Variants in CDH13 observed in about 807,000 individuals in gnomAD.
CDH13 encodes the protein cadherin 13, also known as cadherin-13.
CDH13 carries 24 observed loss-of-function variants against 63.8 expected under a neutral mutation model. That is an observed-to-expected ratio of 0.38 (90% CI 0.27 to 0.53). The LOEUF is 0.53. Among genes scored for constraint, CDH13 ranks in the 20% least tolerant of loss-of-function variants. The probability of loss-of-function intolerance (pLI) is 0.85; values close to 1 mark genes in which losing one functional copy is unlikely to be tolerated. For missense variants in CDH13, 1,049 were observed against 903.1 expected, an observed-to-expected ratio of 1.16 and a Z score of -2.07; for synonymous variants, 503 against 355.3, an observed-to-expected ratio of 1.42 and a Z score of -4.67.
rs1468963438 is a variant in CDH13, at chr16:82,857,546, G to A, written c.46-816G>A. On this transcript the variant is annotated intron_variant, in intron 1 of 13. Coordinates refer to ENST00000567109, the MANE Select transcript of CDH13 (RefSeq NM_001257.5). ...GAATCGTATACATCTCATACATTATGTTCCAAATCACGTAACCTAAATTTT... is the reference window on the plus strand; with the variant it reads ...GAATCGTATACATCTCATACATTATATTCCAAATCACGTAACCTAAATTTT... Among the ~76,000 whole-genome samples, 3 of 152,126 alleles carry A rather than the reference G, an allele frequency of 2.0e-5. No individual in the cohort carries two copies. The East Asian group carries it at 5.8e-4, about 29-fold the overall frequency.
intron 1 of CDH13, among the ~76,000 whole-genome samples, chr16:82,791,544 G>A (rs1477027348): frequency 1.3e-5 from 2 of 152,148 alleles, no homozygotes; most frequent in East Asian, 3.9e-4. Context: ...TCTTGCAAGT[G>A]AACACTCTTC....
intron 1 of CDH13, among the ~76,000 whole-genome samples, chr16:82,791,866 C>T (rs1366368637): frequency 6.6e-6 from 1 of 152,180 alleles, no homozygotes; most frequent in African/African-American, 2.4e-5. Context: ...AGGTTCCATT[C>T]CCTGGAATTC....
At chr16:83,334,153 C>A (rs1388184676) in intron 5 of CDH13, among the ~76,000 whole-genome samples, 3 of 152,114 alleles carry the variant, frequency 2.0e-5, no homozygotes, top group Non-Finnish European at 4.4e-5. Context: ...CATATCCCAT[C>A]ACTCTGACCT....
intron 1 of CDH13, among the ~76,000 whole-genome samples, chr16:82,807,823 T>C (rs912619339): frequency 3.3e-5 from 5 of 152,312 alleles, no homozygotes; most frequent in African/African-American, 1.2e-4. Context: ...TCCATAAAAA[T>C]AATTACTGGG....
chr16:83,704,680 T>C (rs1220315262), intron 10 of CDH13, among the ~76,000 whole-genome samples: 1 of 152,214 alleles, frequency 6.6e-6, no homozygotes, highest in African/African-American at 2.4e-5. Flanking sequence ...TAGAATTGAA[T>C]TTAAGCTCTG....
chr16:83,140,119 G>A (rs1190465266), intron 4 of CDH13, among the ~76,000 whole-genome samples: 4 of 152,202 alleles, frequency 2.6e-5, no homozygotes, highest in Non-Finnish European at 5.9e-5. Flanking sequence ...GCATCAGGCT[G>A]TACCACCAGA....
At chr16:83,180,980 A>T in intron 4 of CDH13, 1 of 1,531,570 alleles carries the variant, frequency 6.5e-7, no homozygotes, top group Non-Finnish European at 8.7e-7. Flanking sequence ...ATTTGGCGAC[A>T]TTATTGCTTT....
chr16:83,659,803 T>C (rs1598428310), intron 8 of CDH13, among the ~76,000 whole-genome samples: 1 of 150,342 alleles, frequency 6.7e-6, no homozygotes, highest in African/African-American at 2.5e-5. Context: ...TTTTTTTTTT[T>C]TGAGATGGAG....
rs139425120 is a variant in CDH13 at position 83,088,239 on chromosome 16, T to G, written c.367-37146T>G. Among the ~76,000 whole-genome samples the G allele has an allele frequency of 2.6e-5, 4 of 152,314 alleles. No individual in the cohort carries two copies. In the East Asian group the frequency reaches 7.7e-4, roughly 29 times the overall value. On this transcript the variant is annotated intron_variant, in intron 3 of 13. Transcript: ENST00000567109. Reference sequence around the variant, plus strand: ...GATTCAACTCTGACATGTTATTTCCTTATGCTGAGGGTGTCTTGTTGAGTT... The same window carrying G: ...GATTCAACTCTGACATGTTATTTCCGTATGCTGAGGGTGTCTTGTTGAGTT...
intron 3 of CDH13, among the ~76,000 whole-genome samples, chr16:83,057,940 G>T (rs1393334528): frequency 6.6e-6 from 1 of 152,034 alleles, no homozygotes; most frequent in East Asian, 1.9e-4. Context: ...TTAAAATGGG[G>T]TCGGGGAAAT....
At chr16:83,521,352 A>G (rs552901700) in intron 7 of CDH13, among the ~76,000 whole-genome samples, 1 of 152,312 alleles carries the variant, frequency 6.6e-6, no homozygotes, top group East Asian at 1.9e-4. Flanking sequence ...TAGGAAAAAA[A>G]AAAAGAATGG....
rs74643530 is a variant in CDH13 at position 83,411,354 on chromosome 16, T to C, written c.781+66348T>C. Among the ~76,000 whole-genome samples, 1,206 of 152,286 alleles carry C rather than the reference T, an allele frequency of 7.9e-3. 17 individuals are homozygous for C. The highest frequency in any genetic ancestry group is 0.028 in the African/African-American group (1,146 of 41,552). On this transcript the variant is annotated intron_variant, in intron 6 of 13. Coordinates refer to ENST00000567109, the MANE Select transcript of CDH13 (RefSeq NM_001257.5). ...CCACTTTTCTTTCTTTTGAAGCATT[T>C]ACCATCATCCACAAGCATCCAATGT...
chr16:83,433,291 A>G (rs973879802), intron 6 of CDH13, among the ~76,000 whole-genome samples: 1 of 152,212 alleles, frequency 6.6e-6, no homozygotes, highest in Non-Finnish European at 1.5e-5. Context: ...AGTTTCCTCA[A>G]CTGTAAAATG....
intron 10 of CDH13, among the ~76,000 whole-genome samples, chr16:83,685,413 CA>C (rs1904296794): frequency 1.3e-5 from 2 of 152,024 alleles, no homozygotes; most frequent in Non-Finnish European, 2.9e-5. Context: ...TTTGCATAAT[CA>C]AAATAATAGA....
At chr16:83,285,057 T>C (rs910191595) in intron 5 of CDH13, among the ~76,000 whole-genome samples, 6 of 152,160 alleles carry the variant, frequency 3.9e-5, no homozygotes, top group African/African-American at 7.2e-5. Flanking sequence ...ACTCATAATT[T>C]CTTTCTCCTT....
chr16:83,122,852 T>G (rs2035646084), intron 3 of CDH13, among the ~76,000 whole-genome samples: 1 of 152,042 alleles, frequency 6.6e-6, no homozygotes, highest in Non-Finnish European at 1.5e-5. Flanking sequence ...GTGGGAAGTG[T>G]GGCCTTTTAG....
chr16:83,627,004 C>G (rs1011856962), intron 8 of CDH13, among the ~76,000 whole-genome samples: 13 of 152,052 alleles, frequency 8.5e-5, no homozygotes, highest in African/African-American at 3.1e-4. Context: ...CCTATTCAGC[C>G]AGGCGTTGTG....
chr16:82,953,457 A>G (rs996298287), intron 2 of CDH13: 1 of 152,184 alleles, frequency 6.6e-6, no homozygotes, highest in Non-Finnish European at 1.5e-5. Flanking sequence ...AGAAAATCTA[A>G]TATAATCTTA....
chr16:83,325,808 A>G (rs1434763923), intron 5 of CDH13, among the ~76,000 whole-genome samples: 2 of 152,108 alleles, frequency 1.3e-5, no homozygotes, highest in African/African-American at 2.4e-5. Flanking sequence ...ACAGAATTAA[A>G]CACACTCTAT....
Sources: gnomAD v4.1 joint callset for allele counts (sites outside exome capture counted in the v4.1 genomes callset) on GRCh38, gnomAD v4.1.1 for gene constraint, MANE v1.5 for transcripts, NCBI Gene and HGNC (gene_info 2026-07-23, HGNC 2026-07-21) for gene names.